The following ZNF483 variants were observed in gnomAD, a reference collection of about 807,000 sequenced individuals.
ZNF483 encodes zinc finger protein HIT-10.
ZNF483 carries 9 observed loss-of-function variants against 28.6 expected under a neutral mutation model. The ratio of observed to expected loss-of-function variants is 0.32; its 90% confidence interval spans 0.19 to 0.55. ZNF483 has a LOEUF of 0.55. Among genes scored for constraint, ZNF483 ranks in the 20% least tolerant of loss-of-function variants. The pLI is 0.93. For synonymous variants in ZNF483, 322 were observed against 306.2 expected (o/e 1.05, Z -0.54); for missense variants, 675 against 871.7 (o/e 0.77, Z 2.84).
In ZNF483 at chr9:111,546,292, T is replaced by C. The variant is rs570342027; in HGVS notation, c.*3122T>C. ...CTTTTTATTCTGGATATAAGTCCTTTATCCAATATGAACTTTCTAAATACC... is the reference window on the plus strand; with the variant it reads ...CTTTTTATTCTGGATATAAGTCCTTCATCCAATATGAACTTTCTAAATACC... On this transcript the variant is annotated 3_prime_UTR_variant, in exon 6 of 6. Transcript: ENST00000309235. 6.6e-6 allele frequency among the ~76,000 whole-genome samples: 1 copy of C among 152,308 alleles called. No homozygotes were observed. The highest frequency in any genetic ancestry group is 6.5e-5 in the Admixed American group (1 of 15,292).
chr9:111,529,218 GTAATTC>G (rs1385475127), intron 2 of ZNF483, among the ~76,000 whole-genome samples: 2 of 151,742 alleles, frequency 1.3e-5, no homozygotes, highest in African/African-American at 4.8e-5. Flanking sequence ...CTTTGATTAC[GTAATTC>G]TAATTCTTAA....
chr9:111,571,127 T>G lies in ZNF483; in HGVS notation c.722-5238T>G, dbSNP rs922295728. On this transcript the variant is annotated intron_variant, in intron 5 of 5. Coordinates refer to the ZNF483 transcript ENST00000358151. The stretch of plus-strand genomic sequence containing the variant: ...ACCTCTAGACCTACAAGAATAAGTG[T>G]GTGGGGTCGGGTGCGTGGCTCATGC... Among the ~76,000 whole-genome samples the G allele has an allele frequency of 4.8e-5, 7 of 146,808 alleles. 2 individuals carry two copies. In the East Asian group the frequency reaches 1.6e-3, roughly 34 times the overall value.
rs1380138408 is a variant in ZNF483 at position 111,552,160 on chromosome 9, G to C, written c.*8990G>C. Among the ~76,000 whole-genome samples, 2 of 152,150 alleles carry C rather than the reference G, an allele frequency of 1.3e-5. No individual in the cohort carries two copies. The highest frequency in any genetic ancestry group is 2.9e-5 in the Non-Finnish European group (2 of 68,022). ...CTTTTTGTCTTTGATTGAATATTTG[G>C]TAAGCATTTCTTTTGTTTCAAGGAA... On this transcript the variant is annotated 3_prime_UTR_variant, in exon 6 of 6. Transcript: ENST00000309235.
At chr9:111,567,135 G>A (rs572602178) in intron 5 of ZNF483, among the ~76,000 whole-genome samples, 31 of 151,628 alleles carry the variant, frequency 2.0e-4, no homozygotes, top group Admixed American at 1.1e-3. Flanking sequence ...GATCAAGAAT[G>A]AAGAGGGAAT....
In ZNF483 at chr9:111,552,782, G is replaced by C. The variant is rs1465165851; in HGVS notation, c.*9612G>C. On this transcript the variant is annotated 3_prime_UTR_variant, in exon 6 of 6. Transcript: ENST00000309235. The stretch of plus-strand genomic sequence containing the variant: ...AAATTTTTCAAGATTTGAATTAATT[G>C]GTCTTTATTATTAAAATATAAATAT... Among the ~76,000 whole-genome samples, 2 of 151,778 alleles carry C rather than the reference G, an allele frequency of 1.3e-5. No individual in the cohort carries two copies. Among genetic ancestry groups the C allele is most frequent in the African/African-American group, 4.8e-5 (2 of 41,346 alleles).
At position 111,531,050 on chromosome 9, in the gene ZNF483, TA is replaced by T. The variant is rs1827333155; in HGVS notation, c.501+88del. On this transcript the variant is annotated intron_variant, in intron 3 of 5. Coordinates refer to ENST00000309235, the MANE Select transcript of ZNF483 (RefSeq NM_133464.5). Reference sequence around the variant, plus strand: ...GTATAAAGATATAAAAATAAAAGGCTAGGCACGGTGGCTTACACCTGTAATC... The same window carrying T: ...GTATAAAGATATAAAAATAAAAGGCTGGCACGGTGGCTTACACCTGTAATC... 3 of 547,996 alleles carry T rather than the reference TA, an allele frequency of 5.5e-6. No homozygotes were observed. In the East Asian group the frequency reaches 1.7e-4, roughly 31 times the overall value. 33.9% of individuals were successfully genotyped at this position (547,996 alleles called of 1,614,324 possible). A position where few individuals can be genotyped will look rare whatever the true frequency, so the allele number is the denominator to read the frequency against.
chr9:111,541,740 G>C lies in ZNF483; in HGVS notation c.805G>C (p.Gly269Arg), dbSNP rs900618731. The stretch of plus-strand genomic sequence containing the variant: ...GATGGAAGAATCCCAGCAATATTGT[G>C]GCAGCTCAGAGGAGGATCACGGTAA... Reference protein sequence around the residue: ...GLMEESQQYCGSSEEDHGNQG... With the variant: ...GLMEESQQYCRSSEEDHGNQG... Residue 269 changes from glycine (G) to arginine (R), a missense_variant, in exon 6 of 6, where the codon GGC (glycine) becomes CGC (arginine). Physicochemically the swap from Gly to Arg is moderately radical, Grantham distance 125. Coordinates refer to ENST00000309235, the MANE Select transcript of ZNF483 (RefSeq NM_133464.5). The C allele has an allele frequency of 6.2e-7, 1 of 1,614,136 alleles. No individual in the cohort carries two copies. Among genetic ancestry groups the C allele is most frequent in the Non-Finnish European group, 8.5e-7 (1 of 1,180,036 alleles).
chr9:111,553,649 TATA>T lies in ZNF483; in HGVS notation c.*10483_*10485del, dbSNP rs1415993227. On this transcript the variant is annotated 3_prime_UTR_variant, in exon 6 of 6. Coordinates refer to ENST00000309235, the MANE Select transcript of ZNF483 (RefSeq NM_133464.5). ...ATAATGCACGTTCCTGTACAAGCAT[TATA>T]ATACAACAGTGTCCTATGCAATGCA... Among the ~76,000 whole-genome samples, 1 of 152,256 alleles carries T rather than the reference TATA, an allele frequency of 6.6e-6. No individual in the cohort carries two copies. The highest frequency in any genetic ancestry group is 1.5e-5 in the Non-Finnish European group (1 of 68,050).
At position 111,552,995 on chromosome 9, in the gene ZNF483, A is replaced by G. The variant is rs997720048; in HGVS notation, c.*9825A>G. Among the ~76,000 whole-genome samples, 1 of 152,162 alleles carries G rather than the reference A, an allele frequency of 6.6e-6. No individual in the cohort carries two copies. Among genetic ancestry groups the G allele is most frequent in the East Asian group, 1.9e-4 (1 of 5,190 alleles). On this transcript the variant is annotated 3_prime_UTR_variant, in exon 6 of 6. Coordinates refer to ENST00000309235, the MANE Select transcript of ZNF483 (RefSeq NM_133464.5). ...TTTGTAGATGCATGTGTAAGAAGCTATTTTATAGCTTGCCAGGTTTACAAA... is the reference window on the plus strand; with the variant it reads ...TTTGTAGATGCATGTGTAAGAAGCTGTTTTATAGCTTGCCAGGTTTACAAA...
At position 111,527,808 on chromosome 9, in the gene ZNF483, G is replaced by C; in HGVS notation, c.412+1G>C. 6.2e-7 allele frequency: 1 copy of C among 1,614,164 alleles called. No homozygotes were observed. Among genetic ancestry groups the C allele is most frequent in the Non-Finnish European group, 8.5e-7 (1 of 1,180,040 alleles). ...TTGACCCAGATGCTTGAAGAAAAAG[G>C]TGAGATTTATAGATGGAGGGAGGAA... is the stretch of plus-strand genomic sequence containing the variant. On this transcript the variant is annotated splice_donor_variant, in intron 2 of 5. Transcript: ENST00000309235. LOFTEE classifies it high-confidence loss of function.
chr9:111,565,912 C>G (rs73535446), intron 5 of ZNF483, among the ~76,000 whole-genome samples: 2 of 152,058 alleles, frequency 1.3e-5, no homozygotes, highest in Non-Finnish European at 1.5e-5. Flanking sequence ...GGCCAACTCA[C>G]GACTTAAAAC....
chr9:111,561,148 GGAGA>G (rs527553902), intron 5 of ZNF483, among the ~76,000 whole-genome samples: 1,756 of 34,670 alleles, frequency 0.051, 90 homozygotes, highest in Middle Eastern at 0.065. Flanking sequence ...GGAGAGAGAG[GGAGA>G]GAGAGAGAGA....
rs748464232 is a variant in ZNF483 at position 111,545,123 on chromosome 9, A to G, written c.*1953A>G. Among the ~76,000 whole-genome samples, 18 of 152,278 alleles carry G rather than the reference A, an allele frequency of 1.2e-4. No individual in the cohort carries two copies. Among genetic ancestry groups the G allele is most frequent in the Non-Finnish European group, 1.9e-4 (13 of 68,022 alleles). ...CAGTTTAAATATTGCCGTGTGATAA[A>G]TTGGTCCGCATAGTTATTGCTAAGC... On this transcript the variant is annotated 3_prime_UTR_variant, in exon 6 of 6. Coordinates refer to ENST00000309235, the MANE Select transcript of ZNF483 (RefSeq NM_133464.5).
At chr9:111,537,696 G>A (rs1341211640) in intron 5 of ZNF483, among the ~76,000 whole-genome samples, 7 of 150,480 alleles carry the variant, frequency 4.7e-5, no homozygotes, top group Non-Finnish European at 8.9e-5. Context: ...GCATGATCAC[G>A]GCTCACTACA....
chr9:111,576,362 C>A, intron 5 of ZNF483: 1 of 1,614,022 alleles, frequency 6.2e-7, no homozygotes, highest in South Asian at 1.1e-5. Context: ...TGGTCACTTG[C>A]AGACATACAT....
rs79428680 is a variant in ZNF483, at chr9:111,531,702, G to A, written c.501+739G>A. Among the ~76,000 whole-genome samples, 1,122 of 152,112 alleles carry A rather than the reference G, an allele frequency of 7.4e-3. 15 individuals are homozygous for A. Among genetic ancestry groups the A allele is most frequent in the African/African-American group, 0.026 (1,078 of 41,484 alleles). On this transcript the variant is annotated intron_variant, in intron 3 of 5. Transcript: ENST00000309235. ...TGCTTTTTTTCTTTTTAAGAGATGG[G>A]GTCTTGTTCTGTCATCTAGGCTGGA...
At chr9:111,560,081 A>C (rs1049691071), downstream of ZNF483, among the ~76,000 whole-genome samples, 1 of 152,012 alleles carries the variant, frequency 6.6e-6, no homozygotes, top group Non-Finnish European at 1.5e-5. Context: ...TATGCCTCCC[A>C]AAGTGCCTCA....
At position 111,541,627 on chromosome 9, in the gene ZNF483, A is replaced by G. The variant is rs1454505336; in HGVS notation, c.722-30A>G. 3 of 1,539,378 alleles carry G rather than the reference A, an allele frequency of 1.9e-6. No homozygotes were observed. The East Asian group carries it at 6.8e-5, about 35-fold the overall frequency. ...TACAACAGCTTCCTTTCTTGCAAAC[A>G]GGAAATATTCTATTTCTTATATCTT... On this transcript the variant is annotated intron_variant, in intron 5 of 5. Coordinates refer to ENST00000309235, the MANE Select transcript of ZNF483 (RefSeq NM_133464.5).
rs1457866651 is a variant in ZNF483 at position 111,550,642 on chromosome 9, G to C, written c.*7472G>C. Among the ~76,000 whole-genome samples the C allele has an allele frequency of 6.6e-6, 1 of 152,042 alleles. No homozygotes were observed. Among genetic ancestry groups the C allele is most frequent in the African/African-American group, 2.4e-5 (1 of 41,402 alleles). On this transcript the variant is annotated 3_prime_UTR_variant, in exon 6 of 6. Coordinates refer to ENST00000309235, the MANE Select transcript of ZNF483 (RefSeq NM_133464.5). ...GTAATTATTATCTAGGTGGAGAGGTGGATTCCTGGGCCACTCTATCCATGT... is the reference window on the plus strand; with the variant it reads ...GTAATTATTATCTAGGTGGAGAGGTCGATTCCTGGGCCACTCTATCCATGT...
Sources: allele counts gnomAD v4.1 joint callset (sites outside exome capture counted in the v4.1 genomes callset), GRCh38; gene constraint gnomAD v4.1.1; transcripts MANE v1.5; gene names NCBI Gene and HGNC (gene_info 2026-07-23, HGNC 2026-07-21).